Variants in CTNNA3 observed in about 807,000 individuals in gnomAD.
The protein encoded by CTNNA3 is catenin alpha-3.
A neutral mutation model predicts 95.7 loss-of-function variants in CTNNA3; 76 were observed. That is an observed-to-expected ratio of 0.79 (90% CI 0.66 to 0.96). The LOEUF (loss-of-function observed/expected upper bound fraction) is 0.96, where lower values mean the gene tolerates loss of function less well. Among genes scored for constraint, CTNNA3 ranks in the 40% least tolerant of loss-of-function variants. CTNNA3 has a pLI of 0.00. For synonymous variants in CTNNA3, 431 were observed against 374.4 expected (o/e 1.15, Z -1.74); for missense variants, 1,191 against 1,089.8 (o/e 1.09, Z -1.31).
At chr10:66,173,411 G>A (rs2085532332) in intron 13 of CTNNA3, among the ~76,000 whole-genome samples, 1 of 152,138 alleles carries the variant, frequency 6.6e-6, no homozygotes, top group Non-Finnish European at 1.5e-5. Context: ...AGTATTTAAT[G>A]TGGTAACAAA....
At chr10:67,208,697 T>G (rs1455018576) in intron 6 of CTNNA3, among the ~76,000 whole-genome samples, 5 of 152,150 alleles carry the variant, frequency 3.3e-5, no homozygotes, top group East Asian at 1.9e-4. Flanking sequence ...AGTCCTTAAT[T>G]GCAGTTATCA....
At chr10:66,924,647 T>C (rs559837630) in intron 7 of CTNNA3, among the ~76,000 whole-genome samples, 3 of 152,230 alleles carry the variant, frequency 2.0e-5, no homozygotes, top group Non-Finnish European at 4.4e-5. Context: ...CTTTGTGAGT[T>C]AATGAAGGTC....
Position 66,189,574 on chromosome 10 carries a change from A to G in CTNNA3, c.1885-86325T>C, listed in dbSNP as rs556519004. 2.1e-4 allele frequency among the ~76,000 whole-genome samples: 31 copies of G among 146,098 alleles called. No homozygotes were observed. In the South Asian group the frequency reaches 5.8e-3, roughly 27 times the overall value. ...TCTATGTTCCTGTTTTCAAGCCAGT[A>G]CCATACTGTTTTAGTTACTATAGAT... On this transcript the variant is annotated intron_variant, in intron 13 of 17. Coordinates refer to ENST00000433211, the MANE Select transcript of CTNNA3 (RefSeq NM_013266.4).
chr10:67,007,002 G>A (rs748153234), intron 7 of CTNNA3, among the ~76,000 whole-genome samples: 2 of 151,996 alleles, frequency 1.3e-5, no homozygotes, highest in Non-Finnish European at 2.9e-5. Flanking sequence ...CACCATGTTG[G>A]CCAGGCTGTT....
chr10:66,569,273 A>T (rs535541354), intron 10 of CTNNA3, among the ~76,000 whole-genome samples: 2 of 152,244 alleles, frequency 1.3e-5, no homozygotes, highest in Admixed American at 1.3e-4. Context: ...TTTGCTTTGC[A>T]ATTTAGTCTT....
chr10:67,308,097 T>A (rs1840631697), intron 5 of CTNNA3, among the ~76,000 whole-genome samples: 1 of 152,166 alleles, frequency 6.6e-6, no homozygotes, highest in Non-Finnish European at 1.5e-5. Context: ...TGACAGGAAA[T>A]TGCCAAACTA....
chr10:67,159,022 C>T (rs10762144), intron 7 of CTNNA3, among the ~76,000 whole-genome samples: 1 of 151,940 alleles, frequency 6.6e-6, no homozygotes, highest in Non-Finnish European at 1.5e-5. Context: ...CCCAGAGCCA[C>T]GCCTGAAACC....
At chr10:66,920,546 C>A (rs1421470276) in intron 7 of CTNNA3, among the ~76,000 whole-genome samples, 1 of 152,112 alleles carries the variant, frequency 6.6e-6, no homozygotes, top group East Asian at 1.9e-4. Flanking sequence ...TGTTTGGGGG[C>A]TAATTTTGCA....
intron 10 of CTNNA3, among the ~76,000 whole-genome samples, chr10:66,575,061 C>T (rs1161563278): frequency 6.6e-6 from 1 of 152,034 alleles, no homozygotes; most frequent in African/African-American, 2.4e-5. Flanking sequence ...TGAAAAAATG[C>T]AATCATGATT....
At chr10:66,766,231 G>C in intron 9 of CTNNA3, 33 bp downstream of exon 9, 1 of 1,603,946 alleles carries the variant, frequency 6.2e-7, no homozygotes, top group Non-Finnish European at 8.5e-7. Flanking sequence ...CATTCTCCTG[G>C]ACTTTAGTGA....
intron 7 of CTNNA3, among the ~76,000 whole-genome samples, chr10:66,948,265 G>A (rs933326869): frequency 1.3e-5 from 2 of 152,118 alleles, no homozygotes; most frequent in South Asian, 2.1e-4. Flanking sequence ...TTGAGGCATC[G>A]TATAACATAG....
intron 13 of CTNNA3, among the ~76,000 whole-genome samples, chr10:66,214,416 T>C (rs7075074): frequency 0.32 from 48,209 of 152,068 alleles, 9,800 homozygotes; most frequent in African/African-American, 0.58. Context: ...TATTTTACTA[T>C]GTTATTTGTG....
intron 8 of CTNNA3, among the ~76,000 whole-genome samples, chr10:66,773,562 T>C (rs1184273464): frequency 6.6e-6 from 1 of 152,178 alleles, no homozygotes; most frequent in Non-Finnish European, 1.5e-5. Context: ...GCCATTTGAC[T>C]GCCACTATGT....
At chr10:66,619,088 T>C (rs977970423) in intron 10 of CTNNA3, among the ~76,000 whole-genome samples, 1 of 151,518 alleles carries the variant, frequency 6.6e-6, no homozygotes, top group Non-Finnish European at 1.5e-5. Flanking sequence ...TGTGGAGAAA[T>C]AGGAACACTT....
intron 11 of CTNNA3, among the ~76,000 whole-genome samples, chr10:66,448,584 A>T (rs1158513336): frequency 6.6e-6 from 1 of 151,372 alleles, no homozygotes; most frequent in Non-Finnish European, 1.5e-5. Context: ...AGGACAAAAA[A>T]CCAAACACTG....
chr10:66,701,013 T>C (rs1423375959), intron 9 of CTNNA3, among the ~76,000 whole-genome samples: 1 of 152,166 alleles, frequency 6.6e-6, no homozygotes, highest in Non-Finnish European at 1.5e-5. Flanking sequence ...AAAATAAACA[T>C]CCCACATTTC....
chr10:66,877,479 GC>G (rs1221023622), intron 7 of CTNNA3, among the ~76,000 whole-genome samples: 2 of 152,266 alleles, frequency 1.3e-5, no homozygotes, highest in African/African-American at 4.8e-5. Flanking sequence ...AATGCCTGCT[GC>G]CTTTTATTAC....
At chr10:66,701,743 GT>G (rs1847949707) in intron 9 of CTNNA3, among the ~76,000 whole-genome samples, 1 of 152,064 alleles carries the variant, frequency 6.6e-6, no homozygotes, top group Admixed American at 6.6e-5. Context: ...AGTAGTAGAG[GT>G]TGAATAACCC....
chr10:66,591,424 T>C (rs1843547096), intron 10 of CTNNA3, among the ~76,000 whole-genome samples: 1 of 152,124 alleles, frequency 6.6e-6, no homozygotes, highest in Non-Finnish European at 1.5e-5. Context: ...AAGATATCAT[T>C]TTGAATAAGA....
Sources: gnomAD v4.1 joint callset for allele counts (sites outside exome capture counted in the v4.1 genomes callset) on GRCh38, gnomAD v4.1.1 for gene constraint, MANE v1.5 for transcripts, NCBI Gene and HGNC (gene_info 2026-07-23, HGNC 2026-07-21) for gene names.